Variants in NNMT observed in about 807,000 individuals in gnomAD.
The protein encoded by NNMT is nicotinamide N-methyltransferase.
A neutral mutation model predicts 11.7 loss-of-function variants in NNMT; 10 were observed. That is an observed-to-expected ratio of 0.85 (90% confidence interval 0.53 to 1.45). The LOEUF (loss-of-function observed/expected upper bound fraction) is 1.45. Among genes scored for constraint, NNMT ranks in the 40% most tolerant of loss-of-function variants. The pLI, the probability that NNMT is intolerant of heterozygous loss-of-function variation, is 0.00. For missense variants in NNMT, 381 were observed against 319.4 expected, an observed-to-expected ratio of 1.19 and a Z score of -1.47; for synonymous variants, 143 against 133.8, an observed-to-expected ratio of 1.07 and a Z score of -0.48.
At position 114,296,504 on chromosome 11, in the gene NNMT, T is replaced by C; in HGVS notation, c.-53T>C. On this transcript the variant is annotated 5_prime_UTR_variant, in exon 1 of 3. Transcript: ENST00000299964. The stretch of plus-strand genomic sequence containing the variant: ...ACTTCTGCAGGGTCACTCCCTGGCT[T>C]CTGGAGGAAAGAGAAGGAGGGCAGT... 1 of 1,592,008 alleles carries C rather than the reference T, an allele frequency of 6.3e-7. No individual in the cohort carries two copies. The highest frequency in any genetic ancestry group is 8.6e-7 in the Non-Finnish European group (1 of 1,168,658).
At chr11:114,291,554 A>T (rs996266025), upstream of NNMT, among the ~76,000 whole-genome samples, 1 of 151,688 alleles carries the variant, frequency 6.6e-6, no homozygotes, top group African/African-American at 2.4e-5. Context: ...TGGGCTTATG[A>T]TCCTGTGAGC....
intron 2 of NNMT, chr11:114,270,269 T>C (rs1945160005): frequency 6.6e-6 from 1 of 152,242 alleles, no homozygotes; most frequent in Non-Finnish European, 1.5e-5. Context: ...TTAACTAGAT[T>C]TGAATTATTA....
intron 2 of NNMT, among the ~76,000 whole-genome samples, chr11:114,310,304 G>A (rs1243115027): frequency 6.6e-6 from 1 of 152,230 alleles, no homozygotes; most frequent in Non-Finnish European, 1.5e-5. Context: ...AGCCGTCATA[G>A]TGATGTGAAG....
chr11:114,286,046 T>A (rs186022174), intron 2 of NNMT, among the ~76,000 whole-genome samples: 1 of 152,346 alleles, frequency 6.6e-6, no homozygotes, highest in South Asian at 2.1e-4. Context: ...GTTTCTGTAA[T>A]GTTCTCCTCC....
chr11:114,305,538 C>T (rs1945483029), intron 2 of NNMT, among the ~76,000 whole-genome samples: 2 of 148,588 alleles, frequency 1.3e-5, no homozygotes, highest in South Asian at 4.4e-4. Flanking sequence ...GTGATGTTCC[C>T]CACCCTGTAT....
upstream of NNMT, among the ~76,000 whole-genome samples, chr11:114,294,508 A>G (rs987540338): frequency 2.0e-5 from 3 of 150,952 alleles, no homozygotes; most frequent in African/African-American, 4.9e-5. Flanking sequence ...AGAAAGATTG[A>G]ATAAGACCTA....
upstream of NNMT, among the ~76,000 whole-genome samples, chr11:114,291,476 G>A (rs527771937): frequency 7.9e-5 from 12 of 152,308 alleles, no homozygotes; most frequent in African/African-American, 2.2e-4. Context: ...GGAGGAGGAA[G>A]GGACTTACCA....
At chr11:114,281,683 C>T (rs540854614) in intron 2 of NNMT, among the ~76,000 whole-genome samples, 12 of 152,248 alleles carry the variant, frequency 7.9e-5, no homozygotes, top group African/African-American at 2.2e-4. Flanking sequence ...AATAGATACA[C>T]ACTCCATGAG....
At chr11:114,259,351 G>A (rs531195145) in intron 1 of NNMT, among the ~76,000 whole-genome samples, 17 of 150,274 alleles carry the variant, frequency 1.1e-4, no homozygotes, top group African/African-American at 4.3e-4. Flanking sequence ...GCCCAGTGGG[G>A]GGGGGGGAGC....
chr11:114,271,162 G>A (rs994401817), intron 2 of NNMT, among the ~76,000 whole-genome samples: 1 of 152,164 alleles, frequency 6.6e-6, no homozygotes, highest in Non-Finnish European at 1.5e-5. Context: ...TTGGGAGTGG[G>A]CAGGGAGGCA....
intron 2 of NNMT, among the ~76,000 whole-genome samples, chr11:114,270,078 T>C (rs1945158176): frequency 1.3e-5 from 2 of 152,162 alleles, no homozygotes; most frequent in African/African-American, 4.8e-5. Flanking sequence ...CTTTTGTTTT[T>C]GTAATGAATA....
At chr11:114,276,727 A>G (rs1404010105) in intron 2 of NNMT, among the ~76,000 whole-genome samples, 1 of 152,144 alleles carries the variant, frequency 6.6e-6, no homozygotes, top group African/African-American at 2.4e-5. Context: ...AGTTTAGGCC[A>G]TTTGTCACCA....
chr11:114,271,130 C>T (rs1223913432), intron 2 of NNMT, among the ~76,000 whole-genome samples: 1 of 152,026 alleles, frequency 6.6e-6, no homozygotes, highest in East Asian at 1.9e-4. Flanking sequence ...ATATTGGGGC[C>T]AAGGGGTTCA....
intron 2 of NNMT, among the ~76,000 whole-genome samples, chr11:114,278,299 T>C (rs917462867): frequency 1.4e-4 from 21 of 152,082 alleles, no homozygotes; most frequent in African/African-American, 5.1e-4. Flanking sequence ...AAGAGCTCAC[T>C]CGTTACTGTG....
At chr11:114,286,298 T>C (rs1252691282) in intron 2 of NNMT, among the ~76,000 whole-genome samples, 1 of 152,200 alleles carries the variant, frequency 6.6e-6, no homozygotes, top group Non-Finnish European at 1.5e-5. Flanking sequence ...GAAAAGTTCA[T>C]AGAACATTTA....
intron 2 of NNMT, among the ~76,000 whole-genome samples, chr11:114,309,457 C>G (rs1257561872): frequency 6.6e-6 from 1 of 152,146 alleles, no homozygotes; most frequent in African/African-American, 2.4e-5. Flanking sequence ...GGTCACCCTG[C>G]TACCATTTCT....
chr11:114,310,604 C>G (rs760876480), intron 2 of NNMT, among the ~76,000 whole-genome samples: 2 of 152,244 alleles, frequency 1.3e-5, no homozygotes. Context: ...GGGGCCATCT[C>G]TGCTGTCTGT....
intron 1 of NNMT, among the ~76,000 whole-genome samples, chr11:114,259,854 G>A (rs963867198): frequency 1.3e-5 from 2 of 152,082 alleles, no homozygotes; most frequent in Non-Finnish European, 2.9e-5. Context: ...GCGTTCAGCC[G>A]CTCCCAACTG....
intron 2 of NNMT, among the ~76,000 whole-genome samples, chr11:114,272,446 C>A (rs1039313584): frequency 6.6e-6 from 1 of 152,174 alleles, no homozygotes; most frequent in Non-Finnish European, 1.5e-5. Flanking sequence ...GGGTGAGACC[C>A]ACCAGGTAAC....
Sources: gnomAD v4.1 joint callset for allele counts (sites outside exome capture counted in the v4.1 genomes callset) on GRCh38, gnomAD v4.1.1 for gene constraint, MANE v1.5 for transcripts, NCBI Gene and HGNC (gene_info 2026-07-23, HGNC 2026-07-21) for gene names.